The following CMIP variants were observed in gnomAD, a reference collection of about 807,000 sequenced individuals.
CMIP encodes c-Maf inducing protein.
In CMIP, 13 loss-of-function variants were observed where a neutral mutation model predicts 97.3. The ratio of observed to expected loss-of-function variants is 0.13; its 90% CI spans 0.09 to 0.21. The LOEUF (loss-of-function observed/expected upper bound fraction) is 0.21, where lower values mean the gene tolerates loss of function less well. CMIP is among the 10% of genes least tolerant of loss of function. The pLI is 1.00. For missense variants in CMIP, 847 were observed against 1,024.9 expected, an observed-to-expected ratio of 0.83 and a Z score of 2.37; for synonymous variants, 538 against 436.3, an observed-to-expected ratio of 1.23 and a Z score of -2.91.
intron 7 of CMIP, among the ~76,000 whole-genome samples, chr16:81,667,799 A>AGAGAGTGT: frequency 3.6e-3 from 209 of 58,132 alleles, no homozygotes; most frequent in Admixed American, 8.5e-3. Flanking sequence ...AGAGAGAGAG[A>AGAGAGTGT]GTGTGTGTGT....
At chr16:81,463,048 G>GATA (rs202214805) in intron 1 of CMIP, among the ~76,000 whole-genome samples, 2,800 of 152,304 alleles carry the variant, frequency 0.018, 87 homozygotes, top group African/African-American at 0.063. Context: ...TCTCTATCAT[G>GATA]GAGGCTACCT....
rs575676229 is a variant in CMIP, at chr16:81,473,130, C to T, written c.300+27589C>T. Among the ~76,000 whole-genome samples the T allele has an allele frequency of 6.6e-4, 100 of 152,360 alleles. 1 individual carries two copies. Among genetic ancestry groups the T allele is most frequent in the African/African-American group, 2.1e-3 (87 of 41,588 alleles). ...GCGGCCCCTGCCTCCTGCCCGGCCTCCTCTGAGGTCAGTGCCTTCAGCTCC... is the reference window on the plus strand; with the variant it reads ...GCGGCCCCTGCCTCCTGCCCGGCCTTCTCTGAGGTCAGTGCCTTCAGCTCC... On this transcript the variant is annotated intron_variant, in intron 1 of 20. Transcript: ENST00000537098.
At chr16:81,538,440 T>G (rs2090388039) in intron 1 of CMIP, among the ~76,000 whole-genome samples, 1 of 152,234 alleles carries the variant, frequency 6.6e-6, no homozygotes, top group Non-Finnish European at 1.5e-5. Flanking sequence ...GTGAATGTGC[T>G]GTGGGTTAGC....
At chr16:81,494,321 G>A (rs1256685611) in intron 1 of CMIP, among the ~76,000 whole-genome samples, 1 of 152,216 alleles carries the variant, frequency 6.6e-6, no homozygotes, top group Non-Finnish European at 1.5e-5. Flanking sequence ...GGTGTTTCCA[G>A]GCATGTGCTG....
chr16:81,487,721 C>G (rs1489651855), intron 1 of CMIP, among the ~76,000 whole-genome samples: 1 of 152,212 alleles, frequency 6.6e-6, no homozygotes, highest in Admixed American at 6.5e-5. Flanking sequence ...ACCACTCTCA[C>G]AGGGTCTGTG....
chr16:81,558,260 G>T (rs977909073), intron 1 of CMIP, among the ~76,000 whole-genome samples: 9 of 152,074 alleles, frequency 5.9e-5, no homozygotes, highest in Non-Finnish European at 1.0e-4. Flanking sequence ...TGCAGGCCGT[G>T]CTTCTCCATC....
chr16:81,602,199 G>C (rs980718548), intron 1 of CMIP, among the ~76,000 whole-genome samples: 1 of 152,172 alleles, frequency 6.6e-6, no homozygotes, highest in Non-Finnish European at 1.5e-5. Context: ...TACAGTGAGA[G>C]TTCTGGAGCT....
At chr16:81,709,654 C>A in intron 20 of CMIP, 92 bp from the exon 21 acceptor site, 1 of 1,422,678 alleles carries the variant, frequency 7.0e-7, no homozygotes, top group Non-Finnish European at 9.8e-7. Context: ...GTGGCAGAGA[C>A]CCCCAGCCGG....
chr16:81,540,929 G>A (rs1238838417), intron 1 of CMIP, among the ~76,000 whole-genome samples: 3 of 149,384 alleles, frequency 2.0e-5, no homozygotes, highest in African/African-American at 2.5e-5. Context: ...ATCCACCCAC[G>A]TCTGCTTCCC....
At chr16:81,463,909 A>G (rs1567528517) in intron 1 of CMIP, 2 of 152,228 alleles carry the variant, frequency 1.3e-5, no homozygotes, top group Non-Finnish European at 2.9e-5. Flanking sequence ...GGAAAAATGA[A>G]GTAGGTGTTG....
intron 1 of CMIP, among the ~76,000 whole-genome samples, chr16:81,523,524 A>T (rs1469978160): frequency 1.3e-5 from 2 of 152,114 alleles, no homozygotes; most frequent in East Asian, 3.9e-4. Flanking sequence ...CGATACCTCA[A>T]GCTTACCTGG....
chr16:81,486,655 C>T (rs2089319072), intron 1 of CMIP, among the ~76,000 whole-genome samples: 1 of 152,162 alleles, frequency 6.6e-6, no homozygotes, highest in Non-Finnish European at 1.5e-5. Flanking sequence ...ATTGCCCGGT[C>T]CCCAGAGAGA....
In CMIP at chr16:81,493,585, G is replaced by C. The variant is rs368022086; in HGVS notation, c.300+48044G>C. ...AGCCAGCATGGCGCAAGCCACCCGG[G>C]CCCAGCCTTGTTGAATCTTCCGGCA... On this transcript the variant is annotated intron_variant, in intron 1 of 20. Transcript: ENST00000537098. Among the ~76,000 whole-genome samples the C allele has an allele frequency of 1.5e-4, 23 of 152,370 alleles. 1 individual carries two copies. The East Asian group carries it at 2.7e-3, about 18-fold the overall frequency.
At chr16:81,568,040 T>TGTGTG (rs34693777) in intron 1 of CMIP, among the ~76,000 whole-genome samples, 754 of 26,442 alleles carry the variant, frequency 0.029, 4 homozygotes, top group African/African-American at 0.058. Context: ...TGTGTGTGTG[T>TGTGTG]TTTTTTTTTT....
intron 1 of CMIP, among the ~76,000 whole-genome samples, chr16:81,548,260 AG>A (rs763977757): frequency 1.1e-4 from 17 of 151,640 alleles, no homozygotes; most frequent in Non-Finnish European, 2.2e-4. Flanking sequence ...CAGCCTCCTA[AG>A]TAGCTAGGAC....
chr16:81,708,174 G>A (rs1234944285), intron 20 of CMIP, among the ~76,000 whole-genome samples: 3 of 152,250 alleles, frequency 2.0e-5, no homozygotes, highest in Admixed American at 1.3e-4. Flanking sequence ...AGGGACAGTC[G>A]GTAGAGAGCG....
At chr16:81,699,379 G>A (rs1196509954) in intron 14 of CMIP, among the ~76,000 whole-genome samples, 1 of 152,122 alleles carries the variant, frequency 6.6e-6, no homozygotes. Context: ...GCTGAGCTGG[G>A]GCTTATAGTT....
At chr16:81,680,658 C>G (rs954287609) in intron 10 of CMIP, among the ~76,000 whole-genome samples, 5 of 152,244 alleles carry the variant, frequency 3.3e-5, no homozygotes, top group Admixed American at 6.5e-5. Context: ...AAGAGAGCCA[C>G]TCCAAGAATA....
At chr16:81,456,242 G>T (rs774312108) in intron 1 of CMIP, among the ~76,000 whole-genome samples, 117 of 152,322 alleles carry the variant, frequency 7.7e-4, no homozygotes, top group Admixed American at 1.3e-3. Context: ...GGAGGGGACC[G>T]CGGGGTAATC....
Sources: gnomAD v4.1 joint callset for allele counts (sites outside exome capture counted in the v4.1 genomes callset) on GRCh38, gnomAD v4.1.1 for gene constraint, MANE v1.5 for transcripts, NCBI Gene and HGNC (gene_info 2026-07-23, HGNC 2026-07-21) for gene names.